Variants in KLHL13 observed in about 807,000 individuals in gnomAD.
KLHL13 encodes the protein kelch like family member 13, also known as kelch-like protein 13.
KLHL13 carries 10 observed loss-of-function variants against 37.1 expected under a neutral mutation model. The ratio of observed to expected loss-of-function variants is 0.27; its 90% CI spans 0.17 to 0.46. The LOEUF (loss-of-function observed/expected upper bound fraction) is 0.46. KLHL13 is among the 20% of genes least tolerant of loss of function. The pLI is 1.00. For missense variants in KLHL13, 360 were observed against 509.3 expected (o/e 0.71, Z 2.82); for synonymous variants, 163 against 181.2 (o/e 0.90, Z 0.81).
At chrX:118,093,351 T>A (rs185626458) in intron 1 of KLHL13, among the ~76,000 whole-genome samples, 1 of 111,983 alleles carries the variant, frequency 8.9e-6, no homozygotes, top group South Asian at 3.7e-4. Flanking sequence ...CACTACTTTA[T>A]CTAATTTCTA....
chrX:118,055,969 A>C (rs937663992), intron 1 of KLHL13, among the ~76,000 whole-genome samples: 2 of 111,278 alleles, frequency 1.8e-5, no homozygotes, highest in South Asian at 7.5e-4. Context: ...TCAGGGAAAT[A>C]ATTTTTAAAA....
Position 118,112,368 on chromosome X carries a change from C to A in KLHL13, c.-56+4140G>T, listed in dbSNP as rs763660202. Among the ~76,000 whole-genome samples, 5 of 111,476 alleles carry A rather than the reference C, an allele frequency of 4.5e-5. No individual in the cohort carries two copies. In the South Asian group the frequency reaches 1.9e-3, roughly 43 times the overall value. The stretch of plus-strand genomic sequence containing the variant: ...AGAGGCAAGTGGGGAGATGGCCAGG[C>A]ATCAAATAAGCATAATTATGACACA... On this transcript the variant is annotated intron_variant, in intron 1 of 6. Coordinates refer to the KLHL13 transcript ENST00000371882.
At chrX:117,911,745 C>T (rs1931003910) in intron 4 of KLHL13, among the ~76,000 whole-genome samples, 1 of 111,859 alleles carries the variant, frequency 8.9e-6, no homozygotes. Flanking sequence ...TTTTTTATGG[C>T]TGCATAGTAT....
In KLHL13 at chrX:118,090,748, T is replaced by C. The variant is rs774851686; in HGVS notation, c.-56+25760A>G. Among the ~76,000 whole-genome samples the C allele has an allele frequency of 1.1e-3, 125 of 109,083 alleles. 1 individual carries two copies. Among genetic ancestry groups the C allele is most frequent in the African/African-American group, 4.0e-3 (121 of 29,997 alleles). The allele number at this position is 109,083 out of a possible 115,157, so 94.7% of individuals were successfully genotyped here. ...TTCCTCAGGGATCTAGAACTAGAAA[T>C]ACCATTTGACCCAGCCATCCCATTA... On this transcript the variant is annotated intron_variant, in intron 1 of 6. Transcript: ENST00000371882.
chrX:118,094,428 A>AGTGAC (rs2055177033), intron 1 of KLHL13, among the ~76,000 whole-genome samples: 1 of 111,645 alleles, frequency 9.0e-6, no homozygotes, highest in Admixed American at 9.5e-5. Flanking sequence ...TGTACCTGAA[A>AGTGAC]GTGACAGGGA....
intron 4 of KLHL13, among the ~76,000 whole-genome samples, chrX:117,911,220 C>T (rs1461095632): frequency 1.8e-5 from 2 of 111,532 alleles, no homozygotes; most frequent in Admixed American, 9.5e-5. Flanking sequence ...TAACCTCACA[C>T]CTGTATAGTT....
chrX:117,986,694 CT>C (rs1484258145), intron 1 of KLHL13, among the ~76,000 whole-genome samples: 1 of 111,829 alleles, frequency 8.9e-6, no homozygotes, highest in Non-Finnish European at 1.9e-5. Flanking sequence ...CCAAACTCCA[CT>C]TTCCTGAACT....
chrX:117,937,778 G>A (rs1775695854), intron 2 of KLHL13, among the ~76,000 whole-genome samples: 2 of 111,521 alleles, frequency 1.8e-5, no homozygotes, highest in African/African-American at 6.5e-5. Context: ...CCCATTTAAA[G>A]TGCACAAATC....
At position 118,034,970 on chromosome X, in the gene KLHL13, G is replaced by A. The variant is rs1345545911; in HGVS notation, c.-56+81538C>T. 2.6e-4 allele frequency among the ~76,000 whole-genome samples: 24 copies of A among 91,699 alleles called. 1 individual carries two copies. Among genetic ancestry groups the A allele is most frequent in the African/African-American group, 6.3e-4 (12 of 19,189 alleles). The allele number at this position is 91,699 out of a possible 115,157, so 79.6% of individuals were successfully genotyped here. A position where few individuals can be genotyped will look rare whatever the true frequency, so the allele number is the denominator to read the frequency against. On this transcript the variant is annotated intron_variant, in intron 1 of 6. Coordinates refer to the KLHL13 transcript ENST00000371882. ...CAGAGAATACTACAAACACCTCTAC[G>A]CAAATAAACTAGAAAATCTAGAAGA...
chrX:118,087,592 ATAAGATTTCTGACTTCTTTCCTTT>A (rs1394214092), intron 1 of KLHL13, among the ~76,000 whole-genome samples: 1 of 111,464 alleles, frequency 9.0e-6, no homozygotes, highest in Non-Finnish European at 1.9e-5. Flanking sequence ...GAGTCTGGAA[ATAAGATTTCTGACTTCTTTCCTTT>A]TATGTATGCA....
intron 1 of KLHL13, among the ~76,000 whole-genome samples, chrX:118,089,616 GAAAGAGAAAGAA>G (rs1345572883): frequency 1.6e-5 from 1 of 60,921 alleles, no homozygotes; most frequent in Non-Finnish European, 2.9e-5. Context: ...GAGAGAGAAA[GAAAGAGAAAGAA>G]AGAAAGAAAG....
intron 1 of KLHL13, among the ~76,000 whole-genome samples, chrX:118,042,700 T>C (rs1369636539): frequency 9.0e-6 from 1 of 111,128 alleles, no homozygotes; most frequent in Non-Finnish European, 1.9e-5. Flanking sequence ...TTGAAACAAA[T>C]GATAATGTAA....
At chrX:118,104,062 A>G (rs1259859650) in intron 1 of KLHL13, among the ~76,000 whole-genome samples, 1 of 106,094 alleles carries the variant, frequency 9.4e-6, no homozygotes, top group Non-Finnish European at 1.9e-5. Flanking sequence ...AAAAAAAAAA[A>G]AAAAAAAAAA....
Position 118,014,427 on chromosome X carries a change from C to A in KLHL13, c.-55-68852G>T, listed in dbSNP as rs185228461. 7.0e-3 allele frequency among the ~76,000 whole-genome samples: 779 copies of A among 111,989 alleles called. 4 individuals are homozygous for A. The highest frequency in any genetic ancestry group is 0.012 in the Admixed American group (130 of 10,561). The stretch of plus-strand genomic sequence containing the variant: ...CTGGTAAATTCTAGTCAGACCAGTT[C>A]TCTGCTCTTGAACACTGTTTCCTGT... On this transcript the variant is annotated intron_variant, in intron 1 of 6. Transcript: ENST00000371882.
chrX:118,031,271 A>G (rs1416673421), intron 1 of KLHL13, among the ~76,000 whole-genome samples: 1 of 108,300 alleles, frequency 9.2e-6, no homozygotes, highest in East Asian at 2.9e-4. Flanking sequence ...TGAACCTTAC[A>G]ACTATCAATG....
intron 2 of KLHL13, among the ~76,000 whole-genome samples, chrX:117,925,631 C>T (rs1366279882): frequency 6.3e-5 from 7 of 111,839 alleles, no homozygotes; most frequent in South Asian, 3.7e-4. Context: ...TATAACACTG[C>T]TTAGACTTTA....
chrX:118,000,726 C>A (rs770012175), intron 1 of KLHL13, among the ~76,000 whole-genome samples: 1 of 111,945 alleles, frequency 8.9e-6, no homozygotes, highest in East Asian at 2.8e-4. Flanking sequence ...ACTCATCTGG[C>A]AGTCAAGCTT....
chrX:118,021,398 C>T (rs1428431627), intron 1 of KLHL13, among the ~76,000 whole-genome samples: 1 of 107,089 alleles, frequency 9.3e-6, no homozygotes, highest in African/African-American at 3.4e-5. Context: ...CCTACCCTTA[C>T]CCCACGACAG....
chrX:117,907,280 G>A (rs950218537), intron 5 of KLHL13, among the ~76,000 whole-genome samples: 1 of 111,120 alleles, frequency 9.0e-6, no homozygotes, highest in African/African-American at 3.3e-5. Context: ...TAGCATCTTG[G>A]TTTTATGTAA....
Sources: gnomAD v4.1 joint callset for allele counts (sites outside exome capture counted in the v4.1 genomes callset) on GRCh38, gnomAD v4.1.1 for gene constraint, MANE v1.5 for transcripts, NCBI Gene and HGNC (gene_info 2026-07-23, HGNC 2026-07-21) for gene names.